Variants in MYO16 observed in about 807,000 individuals in gnomAD.
The protein encoded by MYO16 is myosin XVI.
MYO16 carries 94 observed loss-of-function variants against 205.3 expected under a neutral mutation model. That is an observed-to-expected ratio of 0.46 (90% confidence interval 0.39 to 0.54). The LOEUF (loss-of-function observed/expected upper bound fraction) is 0.54, where lower values mean the gene tolerates loss of function less well. Among genes scored for constraint, MYO16 ranks in the 20% least tolerant of loss-of-function variants. The pLI is 0.00. For missense variants in MYO16, 2,315 were observed against 2,387.5 expected (o/e 0.97, Z 0.63); for synonymous variants, 988 against 954.0 (o/e 1.04, Z -0.66).
chr13:109,055,242 A>AACAGAC lies in MYO16; in HGVS notation c.3129+119_3129+120insGACACA. ...CTTAAATATCTTCACAAAAAAAGTAAACATACACACACACACACACACACA... is the reference window on the plus strand; with the variant it reads ...CTTAAATATCTTCACAAAAAAAGTAAACAGACACATACACACACACACACACACACA... On this transcript the variant is annotated intron_variant, in intron 26 of 34. Coordinates refer to ENST00000457511, the MANE Select transcript of MYO16 (RefSeq NM_001198950.3). The surrounding 1 kb of genome is among the most constrained non-coding windows in gnomAD (Gnocchi z 5.0). 1.2e-6 allele frequency: 1 copy of AACAGAC among 859,462 alleles called. No homozygotes were observed. Among genetic ancestry groups the AACAGAC allele is most frequent in the Non-Finnish European group, 1.7e-6 (1 of 593,450 alleles). 53.2% of individuals were successfully genotyped at this position (859,462 alleles called of 1,614,324 possible).
Position 108,962,470 on chromosome 13 carries a change from A to G in MYO16, c.2202A>G (p.Leu734=). ...QVSTDELASA[L]TTDIQYFKGD... ...CAACAGATGAATTGGCATCTGCCTTAACAACTGATATTCAATATTTTAAAG... is the reference window on the plus strand; with the variant it reads ...CAACAGATGAATTGGCATCTGCCTTGACAACTGATATTCAATATTTTAAAG... The change falls in exon 19 of 35, where the codon TTA becomes TTG. Residue 734 remains leucine, a synonymous_variant. Transcript: ENST00000457511. 3.1e-6 allele frequency: 5 copies of G among 1,592,232 alleles called. No individual in the cohort carries two copies. Among genetic ancestry groups the G allele is most frequent in the Non-Finnish European group, 4.3e-6 (5 of 1,173,306 alleles).
chr13:108,910,039 T>G lies in MYO16; in HGVS notation c.1814T>G (p.Leu605Arg). ...ACATATTTGCTAGAGAAATCCAGAC[T>G]TGTTTCACAACCTCTTGGCCAGAGC... ...IYTYLLEKSR[L>R]VSQPLGQSNF... The change falls in exon 16 of 35, where the codon CTT (leucine) becomes CGT (arginine). Residue 605 changes from leucine to arginine, a missense_variant. This residue lies in a region of MYO16 where 1,213 missense variants were observed against 1,274.4 expected (regional missense o/e 0.95). Coordinates refer to ENST00000457511, the MANE Select transcript of MYO16 (RefSeq NM_001198950.3). 1 of 1,613,580 alleles carries G rather than the reference T, an allele frequency of 6.2e-7. No individual in the cohort carries two copies. The highest frequency in any genetic ancestry group is 2.2e-5 in the East Asian group (1 of 44,822).
intron 7 of MYO16, 37 bp from the exon 8 acceptor site, chr13:108,820,300 A>G: frequency 6.8e-7 from 1 of 1,469,750 alleles, no homozygotes; most frequent in Non-Finnish European, 9.4e-7. Flanking sequence ...AGCTTCTGCC[A>G]TGGTGGTTCC....
the MYO16 span, among the ~76,000 whole-genome samples, chr13:108,540,587 A>G: frequency 6.6e-6 from 1 of 152,162 alleles, no homozygotes; most frequent in Non-Finnish European, 1.5e-5. Flanking sequence ...TCAGTCTGTT[A>G]AAGCCTGGAA....
intron 16 of MYO16, among the ~76,000 whole-genome samples, chr13:108,921,578 C>T (rs963860861): frequency 6.6e-6 from 1 of 152,136 alleles, no homozygotes; most frequent in African/African-American, 2.4e-5. Flanking sequence ...TGATATACAT[C>T]AATAGCTGTT....
the MYO16 span, among the ~76,000 whole-genome samples, chr13:108,506,513 A>G: frequency 6.6e-6 from 1 of 151,224 alleles, no homozygotes; most frequent in Non-Finnish European, 1.5e-5. Flanking sequence ...TCAATTCTGG[A>G]TCCTGCAACT....
At chr13:108,659,248 T>G (rs947797782) in intron 1 of MYO16, 1 of 162,420 alleles carries the variant, frequency 6.2e-6, no homozygotes, top group South Asian at 1.9e-4. Context: ...CTATATATGA[T>G]ATATATGATA....
chr13:108,826,400 T>C (rs1395443149), intron 9 of MYO16, among the ~76,000 whole-genome samples: 2 of 152,106 alleles, frequency 1.3e-5, no homozygotes, highest in African/African-American at 4.8e-5. Flanking sequence ...CTGAACTTTA[T>C]GTCATACATA....
At chr13:108,567,102 A>G in the MYO16 span, among the ~76,000 whole-genome samples, 1 of 152,194 alleles carries the variant, frequency 6.6e-6, no homozygotes, top group Non-Finnish European at 1.5e-5. Flanking sequence ...AACAAACTGT[A>G]GGAATTTGTT....
intron 3 of MYO16, among the ~76,000 whole-genome samples, chr13:108,717,794 C>T (rs1259702904): frequency 6.6e-6 from 1 of 151,938 alleles, no homozygotes; most frequent in African/African-American, 2.4e-5. Flanking sequence ...TCTTGAAGAC[C>T]AGATAAGAAA....
Position 109,140,167 on chromosome 13 carries a change from G to T in MYO16, c.4052-97G>T. 1 of 1,522,440 alleles carries T rather than the reference G, an allele frequency of 6.6e-7. No homozygotes were observed. The highest frequency in any genetic ancestry group is 8.7e-7 in the Non-Finnish European group (1 of 1,146,106). The allele number at this position is 1,522,440 out of a possible 1,614,324, so 94.3% of individuals were successfully genotyped here. On this transcript the variant is annotated intron_variant, in intron 31 of 34. Coordinates refer to ENST00000457511, the MANE Select transcript of MYO16 (RefSeq NM_001198950.3). This position sits in a 1 kb window ranked among gnomAD's most constrained non-coding sequence, Gnocchi z 8.0. Reference sequence around the variant, plus strand: ...GGCCCGGTCCCTTGGGATTCTCGGGGCACGGGGCCGTGGCTCCCTCCGAGT... The same window carrying T: ...GGCCCGGTCCCTTGGGATTCTCGGGTCACGGGGCCGTGGCTCCCTCCGAGT...
At chr13:109,202,023 G>T (rs1488143277) in intron 34 of MYO16, among the ~76,000 whole-genome samples, 1 of 151,474 alleles carries the variant, frequency 6.6e-6, no homozygotes, top group Non-Finnish European at 1.5e-5. Context: ...TCATATATAT[G>T]ATCATACATA....
At chr13:108,536,476 TG>T in the MYO16 span, among the ~76,000 whole-genome samples, 1 of 32,128 alleles carries the variant, frequency 3.1e-5, no homozygotes, top group East Asian at 8.8e-4. Context: ...GGAGTCAGGG[TG>T]GGGGTGGGGG....
At chr13:108,714,415 G>C (rs769890911) in intron 3 of MYO16, among the ~76,000 whole-genome samples, 11 of 152,162 alleles carry the variant, frequency 7.2e-5, no homozygotes, top group Non-Finnish European at 1.6e-4. Flanking sequence ...GTAGAAAACA[G>C]ACCTCTTCCA....
At chr13:109,092,600 C>T (rs1289115833) in intron 27 of MYO16, among the ~76,000 whole-genome samples, 1 of 152,068 alleles carries the variant, frequency 6.6e-6, no homozygotes, top group African/African-American at 2.4e-5. Flanking sequence ...GGGAGAGGAA[C>T]AGAAAAGATA....
At chr13:108,848,304 T>C (rs1877631331) in intron 10 of MYO16, among the ~76,000 whole-genome samples, 1 of 152,208 alleles carries the variant, frequency 6.6e-6, no homozygotes, top group Admixed American at 6.5e-5. Context: ...GACTTTATAC[T>C]TTTCAATGTA....
intron 28 of MYO16, among the ~76,000 whole-genome samples, chr13:109,112,028 C>T (rs1301148937): frequency 2.6e-5 from 4 of 152,238 alleles, no homozygotes; most frequent in African/African-American, 9.6e-5. Context: ...TAACCCAATC[C>T]TGACAACAGT....
chr13:108,792,477 C>A (rs1299065598), intron 5 of MYO16, among the ~76,000 whole-genome samples: 1 of 150,040 alleles, frequency 6.7e-6, no homozygotes, highest in East Asian at 2.0e-4. Context: ...AAACTACAGA[C>A]TTTATTCATA....
At chr13:108,694,166 A>G (rs1156753732) in intron 2 of MYO16, among the ~76,000 whole-genome samples, 1 of 152,210 alleles carries the variant, frequency 6.6e-6, no homozygotes. Flanking sequence ...TGCTGCAATG[A>G]AAATGTTCCT....
Sources: gnomAD v4.1 joint callset for allele counts (sites outside exome capture counted in the v4.1 genomes callset) on GRCh38, gnomAD v4.1.1 for gene constraint, gnomAD v4.1.1 regional missense constraint, Gnocchi (gnomAD v3.1) non-coding constraint, MANE v1.5 for transcripts, NCBI Gene and HGNC (gene_info 2026-07-23, HGNC 2026-07-21) for gene names.